SLC8A1: variants seen among roughly 807,000 people sequenced by gnomAD.
The protein encoded by SLC8A1 is sodium/calcium exchanger 1.
SLC8A1 carries 18 observed loss-of-function variants against 68.3 expected under a neutral mutation model. That is an observed-to-expected ratio of 0.26 (90% CI 0.18 to 0.39). The LOEUF is 0.39. SLC8A1 is among the 10% of genes least tolerant of loss of function. The pLI is 1.00. For synonymous variants in SLC8A1, 475 were observed against 415.5 expected, an observed-to-expected ratio of 1.14 and a Z score of -1.74; for missense variants, 985 against 1,156.7, an observed-to-expected ratio of 0.85 and a Z score of 2.15.
At chr2:40,452,432 C>T (rs565468779), upstream of SLC8A1, among the ~76,000 whole-genome samples, 1 of 152,268 alleles carries the variant, frequency 6.6e-6, no homozygotes, top group African/African-American at 2.4e-5. Context: ...GCGTTGTGGC[C>T]GCGCGCTAGC....
intron 2 of SLC8A1, among the ~76,000 whole-genome samples, chr2:40,283,425 A>T (rs1167739408): frequency 2.0e-5 from 3 of 152,226 alleles, no homozygotes; most frequent in Non-Finnish European, 4.4e-5. Context: ...GAGAGTATTA[A>T]GACCCAGATG....
chr2:40,483,340 A>T (rs191613939), intron 1 of SLC8A1, among the ~76,000 whole-genome samples: 146 of 152,122 alleles, frequency 9.6e-4, no homozygotes, highest in Middle Eastern at 3.4e-3. Flanking sequence ...TAAAGAAGAT[A>T]CACATCTGGC....
At chr2:40,230,254 A>G (rs2059484894) in intron 2 of SLC8A1, among the ~76,000 whole-genome samples, 1 of 152,150 alleles carries the variant, frequency 6.6e-6, no homozygotes, top group Non-Finnish European at 1.5e-5. Context: ...GTCTTCCCCT[A>G]CTTTTGTTTA....
chr2:40,377,037 A>C (rs1680129917), intron 2 of SLC8A1, among the ~76,000 whole-genome samples: 1 of 151,988 alleles, frequency 6.6e-6, no homozygotes, highest in Non-Finnish European at 1.5e-5. Context: ...AGGGGATGTC[A>C]CTCCTAAGAC....
At chr2:40,307,133 A>C (rs2149289541) in intron 2 of SLC8A1, among the ~76,000 whole-genome samples, 1 of 149,180 alleles carries the variant, frequency 6.7e-6, no homozygotes, top group South Asian at 2.1e-4. Context: ...GACTGGCTAA[A>C]GAAAATGTGA....
At chr2:40,342,353 T>G (rs1264023317) in intron 2 of SLC8A1, among the ~76,000 whole-genome samples, 1 of 152,186 alleles carries the variant, frequency 6.6e-6, no homozygotes, top group Non-Finnish European at 1.5e-5. Context: ...TGACATGTGC[T>G]CATTTGATGT....
chr2:40,332,279 T>C (rs999981544), intron 2 of SLC8A1, among the ~76,000 whole-genome samples: 6 of 152,200 alleles, frequency 3.9e-5, no homozygotes, highest in Non-Finnish European at 8.8e-5. Flanking sequence ...AAAATGCTTT[T>C]TGAGGATGGT....
intron 2 of SLC8A1, among the ~76,000 whole-genome samples, chr2:40,195,137 G>A (rs762232584): frequency 6.6e-6 from 1 of 152,064 alleles, no homozygotes; most frequent in African/African-American, 2.4e-5. Flanking sequence ...CTGAAGTCTT[G>A]AAATCAACAC....
chr2:40,195,258 C>A (rs1036949311), intron 2 of SLC8A1, among the ~76,000 whole-genome samples: 1 of 151,956 alleles, frequency 6.6e-6, no homozygotes, highest in African/African-American at 2.4e-5. Flanking sequence ...ATGTGATATG[C>A]AGAAATTTGA....
At chr2:40,304,530 C>A (rs1053239799) in intron 2 of SLC8A1, among the ~76,000 whole-genome samples, 2 of 152,152 alleles carry the variant, frequency 1.3e-5, no homozygotes, top group Middle Eastern at 3.2e-3. Context: ...CTGCCTCTCA[C>A]CCCCGCAGTC....
At chr2:40,241,108 T>C (rs1232275988) in intron 2 of SLC8A1, among the ~76,000 whole-genome samples, 1 of 152,090 alleles carries the variant, frequency 6.6e-6, no homozygotes, top group Non-Finnish European at 1.5e-5. Flanking sequence ...CAGGTGCCCA[T>C]CAACAGTGGA....
intron 1 of SLC8A1, among the ~76,000 whole-genome samples, chr2:40,495,799 T>C (rs1705656926): frequency 1.3e-5 from 2 of 152,024 alleles, no homozygotes; most frequent in African/African-American, 4.8e-5. Flanking sequence ...CTGAGTACTG[T>C]AGTTTTGCTT....
chr2:40,358,568 T>A (rs912110333), intron 2 of SLC8A1, among the ~76,000 whole-genome samples: 1 of 152,230 alleles, frequency 6.6e-6, no homozygotes, highest in Non-Finnish European at 1.5e-5. Context: ...TCTCTTTATT[T>A]TGTGGAGCTG....
At chr2:40,315,275 T>C (rs2074282248) in intron 2 of SLC8A1, among the ~76,000 whole-genome samples, 1 of 151,910 alleles carries the variant, frequency 6.6e-6, no homozygotes. Flanking sequence ...TTCTAGTTCG[T>C]CAGTATGGTG....
chr2:40,461,852 C>T (rs1250361018), intron 1 of SLC8A1, among the ~76,000 whole-genome samples: 1 of 152,020 alleles, frequency 6.6e-6, no homozygotes. Context: ...CACTGTTAAT[C>T]TGACACAAAC....
At chr2:40,142,112 T>C (rs1378241617) in intron 6 of SLC8A1, among the ~76,000 whole-genome samples, 1 of 152,244 alleles carries the variant, frequency 6.6e-6, no homozygotes, top group East Asian at 1.9e-4. Context: ...CGTGGAAATG[T>C]AGGAACAATT....
At chr2:40,428,373 TATTTA>T (rs1173235917) in intron 2 of SLC8A1, 95 bp downstream of exon 2, 3 of 1,415,806 alleles carry the variant, frequency 2.1e-6, no homozygotes, top group Admixed American at 3.2e-5. Flanking sequence ...CCTTGCATGC[TATTTA>T]ATTTAAAAAA....
rs138199522 is a variant in SLC8A1 at position 40,164,360 on chromosome 2, T to C, written c.2061+494A>G. Among the ~76,000 whole-genome samples the C allele has an allele frequency of 2.1e-3, 321 of 152,322 alleles. 1 individual carries two copies. Among genetic ancestry groups the C allele is most frequent in the Admixed American group, 3.2e-3 (49 of 15,300 alleles). ...TATATTGACTGTACTAAAATGTCCT[T>C]GGATCTGAAGAGGATGATTAAATAT... On this transcript the variant is annotated intron_variant, in intron 5 of 7. Transcript: ENST00000406785.
intron 2 of SLC8A1, among the ~76,000 whole-genome samples, chr2:40,420,318 T>C (rs1319428252): frequency 6.6e-6 from 1 of 151,482 alleles, no homozygotes; most frequent in South Asian, 2.1e-4. Context: ...CCCCTGATAC[T>C]AATTCTTTGC....
Sources: gnomAD v4.1 joint callset for allele counts (sites outside exome capture counted in the v4.1 genomes callset) on GRCh38, gnomAD v4.1.1 for gene constraint, MANE v1.5 for transcripts, NCBI Gene and HGNC (gene_info 2026-07-23, HGNC 2026-07-21) for gene names.